Variants in SLC6A7 observed in about 807,000 individuals in gnomAD.
The protein encoded by SLC6A7 is sodium-dependent proline transporter.
Under a neutral mutation model 73.1 loss-of-function variants are expected in SLC6A7, and 58 were observed. The ratio of observed to expected loss-of-function variants is 0.79; its 90% CI spans 0.64 to 0.99. SLC6A7 has a LOEUF of 0.99. Ranked by LOEUF, SLC6A7 falls within the 50% of genes least tolerant of loss-of-function variation. SLC6A7 has a pLI of 0.00. For synonymous variants in SLC6A7, 338 were observed against 338.7 expected, an observed-to-expected ratio of 1.00 and a Z score of 0.02; for missense variants, 783 against 831.4, an observed-to-expected ratio of 0.94 and a Z score of 0.72.
Position 150,194,723 on chromosome 5 carries a change from G to C in SLC6A7, c.34-5G>C. On this transcript the variant is annotated splice_polypyrimidine_tract_variant and splice_region_variant and intron_variant, in intron 1 of 13. Transcript: ENST00000230671. ...CCCAACCTCTTTGGTCTCTCTCATT[G>C]GCAGCCTGTCACCCCAGACCTGCTG... 6.2e-7 allele frequency: 1 copy of C among 1,612,530 alleles called. No individual in the cohort carries two copies. Among genetic ancestry groups the C allele is most frequent in the South Asian group, 1.1e-5 (1 of 90,794 alleles).
At chr5:150,198,125 G>GAA (rs1323091089) in intron 4 of SLC6A7, among the ~76,000 whole-genome samples, 14 of 137,490 alleles carry the variant, frequency 1.0e-4, no homozygotes, top group African/African-American at 3.0e-4. Flanking sequence ...GAGAAAGAAA[G>GAA]AAAGAAAGAA....
At chr5:150,203,073 CAAAA>C (rs552671431) in intron 8 of SLC6A7, among the ~76,000 whole-genome samples, 8 of 125,332 alleles carry the variant, frequency 6.4e-5, no homozygotes, top group African/African-American at 2.3e-4. Context: ...GACTCTGCCT[CAAAA>C]AAAAAAAAAA....
At chr5:150,199,503 T>G (rs527577136) in intron 5 of SLC6A7, 137 bp downstream of exon 5, 2 of 619,392 alleles carry the variant, frequency 3.2e-6, no homozygotes, top group East Asian at 5.7e-5. Flanking sequence ...GCCTTGAGAC[T>G]GGGGGATGAG....
chr5:150,192,735 C>G (rs1024645319), intron 1 of SLC6A7, among the ~76,000 whole-genome samples: 3 of 152,194 alleles, frequency 2.0e-5, no homozygotes, highest in African/African-American at 7.2e-5. Flanking sequence ...ACCATGGAAA[C>G]AGAGAACCGG....
chr5:150,203,626 C>A (rs1166762808), intron 8 of SLC6A7, 41 bp from the exon 9 acceptor site: 5 of 1,012,538 alleles, frequency 4.9e-6, no homozygotes, highest in Non-Finnish European at 7.9e-6. Context: ...GGGAGCCCAC[C>A]GCATGACCCA....
intron 4 of SLC6A7, 22 bp downstream of exon 4, chr5:150,197,298 C>T (rs201816649): frequency 9.8e-5 from 150 of 1,532,650 alleles, no homozygotes; most frequent in African/African-American, 8.3e-4. Flanking sequence ...GCTGGCCCCG[C>T]GGCATCTGAG....
rs1045268759 is a variant in SLC6A7 at position 150,210,875 on chromosome 5, T to C, written c.*1260T>C. ...AGAGGGTAGCCCTTGGTACTGTGGG[T>C]CCCTCAAAGAGGAGAGTGGGGTGCA... On this transcript the variant is annotated 3_prime_UTR_variant, in exon 14 of 14. Coordinates refer to ENST00000230671, the MANE Select transcript of SLC6A7 (RefSeq NM_014228.5). The C allele has an allele frequency of 2.0e-5, 3 of 152,302 alleles. No individual in the cohort carries two copies. Among genetic ancestry groups the C allele is most frequent in the Non-Finnish European group, 4.4e-5 (3 of 68,078 alleles). 9.4% of individuals were successfully genotyped at this position (152,302 alleles called of 1,614,324 possible). A position where few individuals can be genotyped will look rare whatever the true frequency, so the allele number is the denominator to read the frequency against.
intron 1 of SLC6A7, among the ~76,000 whole-genome samples, chr5:150,191,469 C>T (rs1222946715): frequency 1.6e-4 from 24 of 149,736 alleles, no homozygotes; most frequent in Non-Finnish European, 3.0e-4. Flanking sequence ...CTCGCTCTGT[C>T]ACCCAGGTTG....
chr5:150,204,517 G>A lies in SLC6A7; in HGVS notation c.1333-15G>A. ...GGCCCAGGAAGGGGACACCAGAACT[G>A]TGCTTGTGTTTTAGGGGGGCATGTA... On this transcript the variant is annotated splice_polypyrimidine_tract_variant and intron_variant, in intron 10 of 13. Coordinates refer to ENST00000230671, the MANE Select transcript of SLC6A7 (RefSeq NM_014228.5). 6.2e-7 allele frequency: 1 copy of A among 1,602,366 alleles called. No homozygotes were observed. Among genetic ancestry groups the A allele is most frequent in the Non-Finnish European group, 8.6e-7 (1 of 1,169,252 alleles).
At chr5:150,204,985 C>A in intron 12 of SLC6A7, 58 bp downstream of exon 12, 1 of 1,109,122 alleles carries the variant, frequency 9.0e-7, no homozygotes, top group South Asian at 1.3e-5. Flanking sequence ...AAGCGGGAGT[C>A]CCCTCTGCAC....
intron 2 of SLC6A7, 47 bp from the exon 3 acceptor site, chr5:150,196,668 TG>T: frequency 1.3e-6 from 2 of 1,584,722 alleles, no homozygotes; most frequent in Non-Finnish European, 1.7e-6. Context: ...GCTGGGCTTT[TG>T]GGGGAGCTGC....
intron 5 of SLC6A7, among the ~76,000 whole-genome samples, chr5:150,200,538 C>T (rs1202974310): frequency 5.3e-5 from 8 of 152,162 alleles, no homozygotes; most frequent in African/African-American, 1.9e-4. Flanking sequence ...AGATGGCTTG[C>T]CCAATCATTG....
At chr5:150,203,134 C>T (rs140488326) in intron 8 of SLC6A7, among the ~76,000 whole-genome samples, 14 of 150,764 alleles carry the variant, frequency 9.3e-5, no homozygotes, top group South Asian at 4.2e-4. Context: ...CACACATGTA[C>T]GTGCAAAGGA....
At chr5:150,199,093 G>T in intron 4 of SLC6A7, 135 bp from the exon 5 acceptor site, 1 of 1,229,514 alleles carries the variant, frequency 8.1e-7, no homozygotes, top group Non-Finnish European at 1.1e-6. Flanking sequence ...GTTGGTCGGA[G>T]AAGGATGGAG....
At position 150,202,437 on chromosome 5, in the gene SLC6A7, C is replaced by T. The variant is rs1296934442; in HGVS notation, c.949C>T (p.Gln317Ter). 1.9e-6 allele frequency: 3 copies of T among 1,613,754 alleles called. No individual in the cohort carries two copies. Among genetic ancestry groups the T allele is most frequent in the Non-Finnish European group, 2.5e-6 (3 of 1,179,738 alleles). The change falls in exon 7 of 14, where the codon CAG becomes TAG. Residue 317 changes from glutamine (Q) to a stop codon, truncating the protein, a stop_gained. Coordinates refer to ENST00000230671, the MANE Select transcript of SLC6A7 (RefSeq NM_014228.5). LOFTEE classifies it high-confidence loss of function. The stretch of plus-strand genomic sequence containing the variant: ...CTTTGCCTCCTACAACACGTTTCAC[C>T]AGAACATCTATAGGTCAGTGTCCCA... ...LTFASYNTFHQNIYRDTFIVT... is the reference protein window; with the variant it reads ...LTFASYNTFH
At chr5:150,207,435 TA>T in intron 13 of SLC6A7, among the ~76,000 whole-genome samples, 1 of 152,276 alleles carries the variant, frequency 6.6e-6, no homozygotes, top group South Asian at 2.1e-4. Context: ...TCTGTATTTT[TA>T]GTAGAAACAG....
In SLC6A7 at chr5:150,201,194, C is replaced by A; in HGVS notation, c.829C>A (p.Pro277Thr). 6.2e-7 allele frequency: 1 copy of A among 1,613,094 alleles called. No homozygotes were observed. Among genetic ancestry groups the A allele is most frequent in the Non-Finnish European group, 8.5e-7 (1 of 1,179,504 alleles). ...GAAGGGCATCCAGTTCTATCTCACCCCCCAGTTCCACCACTTGTTGTCTTC... is the reference window on the plus strand; with the variant it reads ...GAAGGGCATCCAGTTCTATCTCACCACCCAGTTCCACCACTTGTTGTCTTC... ...AWKGIQFYLT[P>T]QFHHLLSSKV... The change falls in exon 6 of 14, where the codon CCC becomes ACC. Residue 277 changes from proline (P) to threonine (T), a missense_variant. Pro to Thr is a conservative substitution (Grantham distance 38). Coordinates refer to ENST00000230671, the MANE Select transcript of SLC6A7 (RefSeq NM_014228.5).
intron 1 of SLC6A7, among the ~76,000 whole-genome samples, chr5:150,193,034 G>C (rs1408015524): frequency 6.6e-6 from 1 of 152,194 alleles, no homozygotes; most frequent in East Asian, 1.9e-4. Flanking sequence ...GGGATCTGCT[G>C]CTCCTGTCAC....
intron 6 of SLC6A7, among the ~76,000 whole-genome samples, 194 bp downstream of exon 6, chr5:150,201,417 T>C (rs1011238003): frequency 6.6e-6 from 1 of 152,228 alleles, no homozygotes; most frequent in African/African-American, 2.4e-5. Context: ...ATGTACAACA[T>C]GATGTTTTGA....
Sources: gnomAD v4.1 joint callset for allele counts (sites outside exome capture counted in the v4.1 genomes callset) on GRCh38, gnomAD v4.1.1 for gene constraint, MANE v1.5 for transcripts, NCBI Gene and HGNC (gene_info 2026-07-23, HGNC 2026-07-21) for gene names.